The following LRP1B variants were observed in gnomAD, a reference collection of about 807,000 sequenced individuals.
The protein encoded by LRP1B is low-density lipoprotein receptor-related protein 1B.
Under a neutral mutation model 556.6 loss-of-function variants are expected in LRP1B, and 217 were observed. That is an observed-to-expected ratio of 0.39 (90% CI 0.35 to 0.44). The LOEUF is 0.44. LRP1B is among the 20% of genes least tolerant of loss of function. The pLI, the probability that LRP1B is intolerant of heterozygous loss-of-function variation, is 1.00. For missense variants in LRP1B, 5,053 were observed against 5,620.8 expected (o/e 0.90, Z 3.23); for synonymous variants, 2,047 against 1,865.8 (o/e 1.10, Z -2.50).
intron 55 of LRP1B, among the ~76,000 whole-genome samples, chr2:140,499,255 T>C (rs1689079712): frequency 6.6e-6 from 1 of 151,952 alleles, no homozygotes; most frequent in Admixed American, 6.6e-5. Flanking sequence ...ACTTCTTATA[T>C]GCAGGCATTT....
intron 3 of LRP1B, among the ~76,000 whole-genome samples, chr2:141,461,276 C>T (rs926763921): frequency 6.6e-6 from 1 of 152,068 alleles, no homozygotes; most frequent in African/African-American, 2.4e-5. Context: ...TCAACTTTGT[C>T]AAAAACTATT....
chr2:140,270,974 A>G (rs17385930), intron 85 of LRP1B, among the ~76,000 whole-genome samples: 3,107 of 152,076 alleles, frequency 0.02, 39 homozygotes, highest in African/African-American at 0.029. Flanking sequence ...ACAATGTGCA[A>G]TATGGCAACA....
rs1244045745 is a variant in LRP1B, at chr2:141,946,292, T to A, written c.83-135891A>T. On this transcript the variant is annotated intron_variant, in intron 1 of 90. Transcript: ENST00000389484. ...TGACTAATATCCTGTTATCTGCTTC[T>A]GCAGGACTCAAACTGACCCACTGAT... 2.0e-5 allele frequency among the ~76,000 whole-genome samples: 3 copies of A among 152,182 alleles called. No individual in the cohort carries two copies. The East Asian group carries it at 5.8e-4, about 29-fold the overall frequency.
chr2:141,282,586 A>T (rs1284384634), intron 3 of LRP1B, among the ~76,000 whole-genome samples: 1 of 151,722 alleles, frequency 6.6e-6, no homozygotes, highest in Non-Finnish European at 1.5e-5. Context: ...CTTCCAGGAG[A>T]TTTCAATATA....
At chr2:141,504,641 A>G (rs1683854776) in intron 2 of LRP1B, among the ~76,000 whole-genome samples, 1 of 152,124 alleles carries the variant, frequency 6.6e-6, no homozygotes, top group African/African-American at 2.4e-5. Flanking sequence ...CCAAGGAGCA[A>G]TAATCTGTCC....
At position 140,495,681 on chromosome 2, in the gene LRP1B, G is replaced by A. The variant is rs1355488159; in HGVS notation, c.8918C>T (p.Ser2973Phe). 3 of 1,613,986 alleles carry A rather than the reference G, an allele frequency of 1.9e-6. No individual in the cohort carries two copies. Among genetic ancestry groups the A allele is most frequent in the Non-Finnish European group, 2.5e-6 (3 of 1,179,902 alleles). The change falls in exon 56 of 91, where the codon TCT becomes TTT. Residue 2973 changes from serine to phenylalanine, a missense_variant. Physicochemically the swap from Ser to Phe is radical, Grantham distance 155. Transcript: ENST00000389484. ...TTGCTGGCTACAGGGAAAGCCTGAAGAGCATTCATCAATGTCTACACATGT... is the reference window on the plus strand; with the variant it reads ...TTGCTGGCTACAGGGAAAGCCTGAAAAGCATTCATCAATGTCTACACATGT... ...GKTCVDIDEC[S>F]SGFPCSQQCI... is the part of the protein sequence containing the mutation.
intron 23 of LRP1B, among the ~76,000 whole-genome samples, chr2:140,892,758 G>T (rs12989752): frequency 5.3e-5 from 8 of 152,028 alleles, no homozygotes; most frequent in Admixed American, 4.6e-4. Flanking sequence ...GGGGCAACTT[G>T]AGTGTATTGA....
intron 76 of LRP1B, among the ~76,000 whole-genome samples, chr2:140,352,726 A>G (rs932507428): frequency 1.1e-4 from 17 of 152,112 alleles, no homozygotes; most frequent in African/African-American, 2.2e-4. Flanking sequence ...TTTGAACACA[A>G]TGACACAATG....
intron 6 of LRP1B, among the ~76,000 whole-genome samples, chr2:141,202,937 T>G (rs1185418983): frequency 6.6e-6 from 1 of 152,084 alleles, no homozygotes. Flanking sequence ...GACCATGTGT[T>G]GTCAGTGTTC....
intron 29 of LRP1B, 71 bp from the exon 30 acceptor site, chr2:140,841,163 T>C: frequency 1.0e-6 from 1 of 971,750 alleles, no homozygotes; most frequent in Non-Finnish European, 1.5e-6. Context: ...CAAGTAGTTA[T>C]TTTCTATCTA....
chr2:140,363,685 GT>G (rs149180353), intron 72 of LRP1B, among the ~76,000 whole-genome samples: 10 of 150,540 alleles, frequency 6.6e-5, no homozygotes, highest in Non-Finnish European at 1.0e-4. Flanking sequence ...TCCAAAACCT[GT>G]TTTTTTTCAA....
At chr2:140,441,827 C>T (rs377589650) in intron 66 of LRP1B, among the ~76,000 whole-genome samples, 10 of 152,156 alleles carry the variant, frequency 6.6e-5, no homozygotes, top group African/African-American at 1.9e-4. Flanking sequence ...TTAATAAATG[C>T]TGATCAAATG....
intron 2 of LRP1B, among the ~76,000 whole-genome samples, chr2:141,504,448 C>T (rs1373625672): frequency 6.6e-6 from 1 of 152,054 alleles, no homozygotes; most frequent in South Asian, 2.1e-4. Context: ...TGCCCATATG[C>T]TAATTGATGA....
At chr2:140,511,365 G>A (rs1396051021) in intron 51 of LRP1B, among the ~76,000 whole-genome samples, 3 of 141,712 alleles carry the variant, frequency 2.1e-5, no homozygotes, top group South Asian at 2.3e-4. Flanking sequence ...GCGGTGGCGC[G>A]GTCTCGGCTC....
intron 1 of LRP1B, among the ~76,000 whole-genome samples, chr2:141,842,332 A>G (rs1697505169): frequency 6.6e-6 from 1 of 152,058 alleles, no homozygotes. Flanking sequence ...ACAGAGAAAG[A>G]AGAGCCTAAA....
At chr2:141,170,532 T>C (rs1288488278) in intron 7 of LRP1B, among the ~76,000 whole-genome samples, 1 of 152,058 alleles carries the variant, frequency 6.6e-6, no homozygotes, top group East Asian at 1.9e-4. Context: ...GTATTAAAAA[T>C]TGAGAGTCAG....
At chr2:141,177,604 T>A (rs1680791612) in intron 7 of LRP1B, among the ~76,000 whole-genome samples, 2 of 152,170 alleles carry the variant, frequency 1.3e-5, no homozygotes, top group African/African-American at 2.4e-5. Context: ...TTAGTTACTA[T>A]GTGATTGCTT....
rs2104994449 is a variant in LRP1B, at chr2:140,534,043, G to A, written c.7740C>T (p.Asn2580=). ...TACCTTTACAATCTAATTCATCAGA[G>A]TTGTCTCCGCAGTCATTTTCTCCAT... ...LCDGENDCGD[N]SDELDCKVST... Residue 2580 remains asparagine, a synonymous_variant, in exon 47 of 91, where the codon AAC becomes AAT. Coordinates refer to ENST00000389484, the MANE Select transcript of LRP1B (RefSeq NM_018557.3). 1 of 1,613,528 alleles carries A rather than the reference G, an allele frequency of 6.2e-7. No homozygotes were observed. The highest frequency in any genetic ancestry group is 8.5e-7 in the Non-Finnish European group (1 of 1,179,640).
chr2:141,702,985 C>A (rs1691994768), intron 2 of LRP1B, among the ~76,000 whole-genome samples: 1 of 151,880 alleles, frequency 6.6e-6, no homozygotes, highest in African/African-American at 2.4e-5. Flanking sequence ...ACCAAATGAA[C>A]CTTGCCATTC....
Sources: gnomAD v4.1 joint callset for allele counts (sites outside exome capture counted in the v4.1 genomes callset) on GRCh38, gnomAD v4.1.1 for gene constraint, MANE v1.5 for transcripts, NCBI Gene and HGNC (gene_info 2026-07-23, HGNC 2026-07-21) for gene names.